Variants in GALNT8 observed in about 807,000 individuals in gnomAD.
GALNT8 encodes the protein probable polypeptide N-acetylgalactosaminyltransferase 8.
A neutral mutation model predicts 62.7 loss-of-function variants in GALNT8; 66 were observed. That is an observed-to-expected ratio of 1.05 (90% CI 0.86 to 1.29). GALNT8 has a LOEUF of 1.29. Among genes scored for constraint, GALNT8 ranks in the 50% most tolerant of loss-of-function variants. The probability of loss-of-function intolerance (pLI) is 0.00; values close to 1 mark genes in which losing one functional copy is unlikely to be tolerated. For synonymous variants in GALNT8, 288 were observed against 294.3 expected, an observed-to-expected ratio of 0.98 and a Z score of 0.22; for missense variants, 771 against 791.8, an observed-to-expected ratio of 0.97 and a Z score of 0.32.
At chr12:4,765,609 T>A in intron 10 of GALNT8, 63 bp downstream of exon 10, 1 of 1,294,720 alleles carries the variant, frequency 7.7e-7, no homozygotes, top group Non-Finnish European at 1.1e-6. Flanking sequence ...TGAGACTGAG[T>A]CTTGCTCTGC....
chr12:4,744,182 T>G (rs1205207294), intron 3 of GALNT8, among the ~76,000 whole-genome samples: 1 of 152,232 alleles, frequency 6.6e-6, no homozygotes, highest in Non-Finnish European at 1.5e-5. Context: ...CATCAACCTG[T>G]GCACCTTAGG....
intron 6 of GALNT8, among the ~76,000 whole-genome samples, chr12:4,758,633 TGTGTGA>T (rs1253990710): frequency 0.034 from 2,739 of 79,460 alleles, 20 homozygotes; most frequent in African/African-American, 0.052. Context: ...TGTGTGTGTG[TGTGTGA>T]GAGAGAGAGA....
At chr12:4,747,546 G>A (rs191838394) in intron 6 of GALNT8, among the ~76,000 whole-genome samples, 8 of 151,898 alleles carry the variant, frequency 5.3e-5, no homozygotes, top group African/African-American at 1.7e-4. Flanking sequence ...TGCAAGTGAC[G>A]GCCTCATTCT....
intron 10 of GALNT8, among the ~76,000 whole-genome samples, chr12:4,771,042 T>G (rs1457910460): frequency 6.6e-6 from 1 of 152,176 alleles, no homozygotes; most frequent in Non-Finnish European, 1.5e-5. Flanking sequence ...TCTGTGAGGC[T>G]GTGTCCTCAG....
chr12:4,738,264 AAT>A (rs763781012), intron 2 of GALNT8, among the ~76,000 whole-genome samples: 4 of 152,208 alleles, frequency 2.6e-5, no homozygotes, highest in Non-Finnish European at 5.9e-5. Flanking sequence ...ACCATACACA[AAT>A]ATTTACACAA....
chr12:4,722,775 A>G (rs1565582647), intron 1 of GALNT8, among the ~76,000 whole-genome samples: 1 of 151,872 alleles, frequency 6.6e-6, no homozygotes, highest in Non-Finnish European at 1.5e-5. Context: ...ATGAGAACTG[A>G]GCATTGTCAG....
intron 2 of GALNT8, among the ~76,000 whole-genome samples, chr12:4,738,264 A>G (rs1174397443): frequency 6.6e-6 from 1 of 152,208 alleles, no homozygotes; most frequent in African/African-American, 2.4e-5. Flanking sequence ...ACCATACACA[A>G]ATATTTACAC....
intron 6 of GALNT8, among the ~76,000 whole-genome samples, chr12:4,753,830 G>A (rs1002471627): frequency 6.6e-6 from 1 of 152,084 alleles, no homozygotes; most frequent in African/African-American, 2.4e-5. Context: ...CATCCTTCTT[G>A]GGAAGGCTTT....
At position 4,760,992 on chromosome 12, in the gene GALNT8, CCT is replaced by C. The variant is rs777376083; in HGVS notation, c.1209_1210del (p.Cys404PhefsTer35). 2.0e-5 allele frequency: 33 copies of C among 1,613,900 alleles called. No individual in the cohort carries two copies. The highest frequency in any genetic ancestry group is 2.5e-5 in the Non-Finnish European group (30 of 1,180,010). ...TGTGGAGGGAAGGTCGAGATTTTGCCCTGTTCCCGGATTGCCCACCTAGAGAG... is the reference window on the plus strand; with the variant it reads ...TGTGGAGGGAAGGTCGAGATTTTGCCGTTCCCGGATTGCCCACCTAGAGAG... On this transcript the variant is annotated frameshift_variant, in exon 7 of 11. Transcript: ENST00000252318. LOFTEE classifies it high-confidence loss of function.
chr12:4,762,428 A>G (rs142023771), intron 7 of GALNT8, among the ~76,000 whole-genome samples: 1 of 152,194 alleles, frequency 6.6e-6, no homozygotes, highest in Non-Finnish European at 1.5e-5. Context: ...TTGATTCCCC[A>G]CAAATATCAC....
chr12:4,754,727 CAG>C (rs966762948), intron 6 of GALNT8, among the ~76,000 whole-genome samples: 1 of 152,116 alleles, frequency 6.6e-6, no homozygotes, highest in Non-Finnish European at 1.5e-5. Flanking sequence ...CAGCAAGTCT[CAG>C]AGACTTACCC....
chr12:4,764,177 G>A (rs1392855370), intron 9 of GALNT8, 130 bp downstream of exon 9: 1 of 695,536 alleles, frequency 1.4e-6, no homozygotes, highest in Non-Finnish European at 2.7e-6. Context: ...GGGTAAGGGT[G>A]AAATCCAGAC....
intron 6 of GALNT8, among the ~76,000 whole-genome samples, chr12:4,747,941 A>G (rs1454362723): frequency 2.0e-5 from 3 of 152,052 alleles, no homozygotes; most frequent in African/African-American, 7.2e-5. Context: ...ATCTCACTGT[A>G]GTTTTGATTT....
At chr12:4,765,118 A>C (rs1946393148) in intron 9 of GALNT8, among the ~76,000 whole-genome samples, 1 of 152,076 alleles carries the variant, frequency 6.6e-6, no homozygotes, top group Admixed American at 6.5e-5. Flanking sequence ...TTCTTCAAAG[A>C]CAAGCTTCTT....
chr12:4,762,009 C>T (rs1946375584), intron 7 of GALNT8, among the ~76,000 whole-genome samples: 1 of 152,198 alleles, frequency 6.6e-6, no homozygotes, highest in Non-Finnish European at 1.5e-5. Flanking sequence ...ACTGGGATCA[C>T]TAGGTCTGGA....
intron 1 of GALNT8, 80 bp downstream of exon 1, chr12:4,720,968 G>T: frequency 3.6e-6 from 3 of 828,856 alleles, no homozygotes; most frequent in Non-Finnish European, 6.2e-6. Context: ...GATATGGAAG[G>T]AAAAATGGGT....
intron 10 of GALNT8, among the ~76,000 whole-genome samples, chr12:4,772,126 GA>G (rs1337020581): frequency 2.0e-5 from 3 of 152,200 alleles, no homozygotes; most frequent in Non-Finnish European, 4.4e-5. Context: ...GCCAAGTTGA[GA>G]AGGCCCACGG....
chr12:4,745,499 C>G lies in GALNT8; in HGVS notation c.931C>G (p.Arg311Gly). The G allele has an allele frequency of 6.2e-7, 1 of 1,612,334 alleles. No individual in the cohort carries two copies. The highest frequency in any genetic ancestry group is 8.5e-7 in the Non-Finnish European group (1 of 1,178,404). The change falls in exon 5 of 11, where the codon CGT becomes GGT. Residue 311 changes from arginine (R) to glycine (G), a missense_variant. Transcript: ENST00000252318. ...VIVSPVFDNIRFDTFKLDKYE... is the reference protein window; with the variant it reads ...VIVSPVFDNIGFDTFKLDKYE... ...TGTGTCTCCTGTGTTTGACAACATTCGTTTTGACACCTTCAAACTGGATAA... is the reference window on the plus strand; with the variant it reads ...TGTGTCTCCTGTGTTTGACAACATTGGTTTTGACACCTTCAAACTGGATAA...
chr12:4,764,890 C>A (rs1946391904), intron 9 of GALNT8, among the ~76,000 whole-genome samples: 2 of 149,362 alleles, frequency 1.3e-5, no homozygotes, highest in South Asian at 4.2e-4. Context: ...ATATTCACAT[C>A]TGTCTTCTTA....
Sources: allele counts gnomAD v4.1 joint callset (sites outside exome capture counted in the v4.1 genomes callset), GRCh38; gene constraint gnomAD v4.1.1; transcripts MANE v1.5; gene names NCBI Gene and HGNC (gene_info 2026-07-23, HGNC 2026-07-21).